Variants in ITGA9 observed in about 807,000 individuals in gnomAD.
The protein encoded by ITGA9 is integrin subunit alpha 9, also known as integrin alpha-9.
Under a neutral mutation model 127.8 loss-of-function variants are expected in ITGA9, and 56 were observed. The observed-to-expected ratio is 0.44, with a 90% CI of 0.35 to 0.55. The LOEUF (loss-of-function observed/expected upper bound fraction) is 0.55. Among genes scored for constraint, ITGA9 ranks in the 20% least tolerant of loss-of-function variants. The pLI is 0.00. For missense variants in ITGA9, 1,196 were observed against 1,347.1 expected (o/e 0.89, Z 1.76); for synonymous variants, 508 against 514.5 (o/e 0.99, Z 0.17).
At chr3:37,637,776 G>A (rs1247440145) in intron 16 of ITGA9, among the ~76,000 whole-genome samples, 2 of 152,156 alleles carry the variant, frequency 1.3e-5, no homozygotes, top group African/African-American at 4.8e-5. Flanking sequence ...AGGTTCAAGT[G>A]ATTCTCCTGC....
At chr3:37,462,243 C>G (rs17036370) in intron 1 of ITGA9, among the ~76,000 whole-genome samples, 12,106 of 152,282 alleles carry the variant, frequency 0.079, 551 homozygotes, top group Middle Eastern at 0.099. Context: ...AACACACAAG[C>G]TGGGGACCAA....
chr3:37,809,665 C>T (rs1408795256), intron 27 of ITGA9, among the ~76,000 whole-genome samples: 1 of 151,866 alleles, frequency 6.6e-6, no homozygotes, highest in Non-Finnish European at 1.5e-5. Flanking sequence ...ACTTTTGAGA[C>T]TTATAAAGTC....
intron 1 of ITGA9, among the ~76,000 whole-genome samples, chr3:37,454,830 A>T (rs1410735868): frequency 6.6e-6 from 1 of 151,432 alleles, no homozygotes; most frequent in African/African-American, 2.4e-5. Context: ...TTTGTCTTAG[A>T]CCTTGAATGT....
chr3:37,564,803 C>T (rs1328336138), intron 15 of ITGA9, among the ~76,000 whole-genome samples: 1 of 152,214 alleles, frequency 6.6e-6, no homozygotes, highest in Non-Finnish European at 1.5e-5. Flanking sequence ...CAGCCAGGCT[C>T]ATCCACCACT....
chr3:37,707,090 T>G (rs1701015199), intron 18 of ITGA9, among the ~76,000 whole-genome samples: 1 of 152,190 alleles, frequency 6.6e-6, no homozygotes, highest in African/African-American at 2.4e-5. Flanking sequence ...TACAAGAAGT[T>G]ATCAGCTAAG....
At chr3:37,618,401 C>T (rs574339067) in intron 15 of ITGA9, among the ~76,000 whole-genome samples, 3 of 152,322 alleles carry the variant, frequency 2.0e-5, no homozygotes, top group Non-Finnish European at 2.9e-5. Context: ...TTAGGCTACT[C>T]GGGGGCCAGG....
In ITGA9 at chr3:37,504,831, A is replaced by T. The variant is rs539773720; in HGVS notation, c.743-1169A>T. 3.0e-4 allele frequency among the ~76,000 whole-genome samples: 46 copies of T among 152,286 alleles called. 1 individual carries two copies. Among genetic ancestry groups the T allele is most frequent in the East Asian group, 9.7e-4 (5 of 5,178 alleles). ...ACATGGTGAGGAAGAATTGATCATG[A>T]TATGATGTCATCGCGAAACTCAAAC... On this transcript the variant is annotated intron_variant, in intron 6 of 27. Coordinates refer to ENST00000264741, the MANE Select transcript of ITGA9 (RefSeq NM_002207.3).
chr3:37,754,348 G>A (rs985230746), intron 23 of ITGA9, among the ~76,000 whole-genome samples: 3 of 152,176 alleles, frequency 2.0e-5, no homozygotes, highest in African/African-American at 4.8e-5. Context: ...TTTGGGATTT[G>A]GCTCTTGTTA....
chr3:37,812,315 A>G (rs1251295493), intron 27 of ITGA9, among the ~76,000 whole-genome samples: 4 of 152,242 alleles, frequency 2.6e-5, no homozygotes, highest in Non-Finnish European at 5.9e-5. Flanking sequence ...TTAGTCCAAA[A>G]AAGGAATTTG....
chr3:37,526,006 T>C lies in ITGA9; in HGVS notation c.1328-20T>C. The C allele has an allele frequency of 6.2e-7, 1 of 1,613,074 alleles. No homozygotes were observed. Among genetic ancestry groups the C allele is most frequent in the Non-Finnish European group, 8.5e-7 (1 of 1,179,232 alleles). On this transcript the variant is annotated intron_variant, in intron 12 of 27. Transcript: ENST00000264741. ...TGGGCTTCAGCAAGTTTCTGAACGC[T>C]GTAAACTTCTCATTTTCAGATGTCA...
At position 37,500,912 on chromosome 3, in the gene ITGA9, CA is replaced by C. The variant is rs567740734; in HGVS notation, c.613-2265del. Among the ~76,000 whole-genome samples, 994 of 152,290 alleles carry C rather than the reference CA, an allele frequency of 6.5e-3. 8 individuals carry two copies. Among genetic ancestry groups the C allele is most frequent in the Non-Finnish European group, 0.011 (751 of 68,022 alleles). On this transcript the variant is annotated intron_variant, in intron 5 of 27. Transcript: ENST00000264741. Reference sequence around the variant, plus strand: ...TGTTATCCCCATGAGCCTTCATGACCAGTATCTTTGGAGTTTTGTCTATAGC... The same window carrying C: ...TGTTATCCCCATGAGCCTTCATGACCGTATCTTTGGAGTTTTGTCTATAGC...
intron 4 of ITGA9, among the ~76,000 whole-genome samples, chr3:37,485,631 C>CGG (rs1444383552): frequency 1.3e-5 from 2 of 152,040 alleles, no homozygotes; most frequent in Non-Finnish European, 2.9e-5. Flanking sequence ...ATTGGAAGGT[C>CGG]GGTTTGGTTG....
intron 15 of ITGA9, among the ~76,000 whole-genome samples, chr3:37,562,463 C>T (rs1203348047): frequency 6.6e-6 from 1 of 152,156 alleles, no homozygotes; most frequent in Middle Eastern, 3.2e-3. Flanking sequence ...TCTAACCATG[C>T]CCCCTCCCCG....
At chr3:37,779,771 T>C (rs1559596525) in intron 24 of ITGA9, 131 bp from the exon 25 acceptor site, 9 of 875,516 alleles carry the variant, frequency 1.0e-5, no homozygotes, top group Non-Finnish European at 1.7e-5. Flanking sequence ...AACGATTGCA[T>C]CTTCTTGTGG....
chr3:37,613,218 G>GT (rs1412729150), intron 15 of ITGA9, among the ~76,000 whole-genome samples: 4 of 151,748 alleles, frequency 2.6e-5, no homozygotes, highest in Admixed American at 2.0e-4. Flanking sequence ...GCGGTGTTTG[G>GT]TTTTTTGTCC....
intron 13 of ITGA9, among the ~76,000 whole-genome samples, chr3:37,532,793 A>G (rs1699167289): frequency 6.6e-6 from 1 of 152,200 alleles, no homozygotes; most frequent in Admixed American, 6.5e-5. Context: ...AAGTTCTTTT[A>G]GGAAATTACC....
intron 26 of ITGA9, among the ~76,000 whole-genome samples, chr3:37,802,556 T>C (rs1697248492): frequency 1.3e-5 from 2 of 152,198 alleles, no homozygotes; most frequent in South Asian, 4.1e-4. Context: ...TTTTTTTGTC[T>C]TTTGCAGTGA....
intron 7 of ITGA9, among the ~76,000 whole-genome samples, chr3:37,506,495 A>G (rs550345236): frequency 1.3e-5 from 2 of 152,164 alleles, no homozygotes; most frequent in Non-Finnish European, 2.9e-5. Flanking sequence ...GGCTTTATTC[A>G]TGCCCCAAAT....
chr3:37,692,578 G>A (rs1700843698), intron 18 of ITGA9, among the ~76,000 whole-genome samples: 1 of 151,982 alleles, frequency 6.6e-6, no homozygotes, highest in Non-Finnish European at 1.5e-5. Flanking sequence ...TTCAATAAAT[G>A]TCTGTGTTGG....
Sources: gnomAD v4.1 joint callset for allele counts (sites outside exome capture counted in the v4.1 genomes callset) on GRCh38, gnomAD v4.1.1 for gene constraint, MANE v1.5 for transcripts, NCBI Gene and HGNC (gene_info 2026-07-23, HGNC 2026-07-21) for gene names.